CAPZB: variants seen among roughly 807,000 people sequenced by gnomAD.
CAPZB encodes F-actin-capping protein subunit beta.
Under a neutral mutation model 38.1 loss-of-function variants are expected in CAPZB, and 2 were observed. The ratio of observed to expected loss-of-function variants is 0.05; its 90% CI spans 0.02 to 0.17. The LOEUF (loss-of-function observed/expected upper bound fraction) is 0.17, where lower values mean the gene tolerates loss of function less well. CAPZB is among the 10% of genes least tolerant of loss of function. The pLI, the probability that CAPZB is intolerant of heterozygous loss-of-function variation, is 1.00. For missense variants in CAPZB, 161 were observed against 334.2 expected (o/e 0.48, Z 4.04); for synonymous variants, 107 against 127.4 (o/e 0.84, Z 1.08).
chr1:19,420,672 C>T (rs1227346585), intron 1 of CAPZB, among the ~76,000 whole-genome samples: 1 of 152,002 alleles, frequency 6.6e-6, no homozygotes, highest in Non-Finnish European at 1.5e-5. Flanking sequence ...CTCAAGCAGT[C>T]GAACTGCCTT....
At chr1:19,419,109 C>A (rs944993994) in intron 2 of CAPZB, among the ~76,000 whole-genome samples, 2 of 152,348 alleles carry the variant, frequency 1.3e-5, no homozygotes, top group Admixed American at 1.3e-4. Context: ...GAGGCAACAT[C>A]TTGAGACCAA....
intron 2 of CAPZB, among the ~76,000 whole-genome samples, chr1:19,405,359 T>G (rs914628562): frequency 3.3e-5 from 5 of 152,010 alleles, no homozygotes; most frequent in Non-Finnish European, 7.4e-5. Flanking sequence ...CACACAGCAG[T>G]GCTTTCAGTG....
chr1:19,443,007 T>C (rs1159169739), intron 1 of CAPZB, among the ~76,000 whole-genome samples: 1 of 152,178 alleles, frequency 6.6e-6, no homozygotes, highest in South Asian at 2.1e-4. Context: ...ACTGACTTCA[T>C]ACCCTTCCCC....
At chr1:19,342,625 C>A (rs1158475406) in intron 8 of CAPZB, 3 of 669,870 alleles carry the variant, frequency 4.5e-6, no homozygotes, top group South Asian at 1.6e-5. Flanking sequence ...GTGCACCGAC[C>A]GGGAGCACAC....
At chr1:19,414,457 T>A (rs2094370731) in intron 2 of CAPZB, among the ~76,000 whole-genome samples, 1 of 152,134 alleles carries the variant, frequency 6.6e-6, no homozygotes, top group Admixed American at 6.6e-5. Context: ...CCTGATGTCT[T>A]CCCCTTGATA....
At chr1:19,441,382 G>A (rs2094475933) in intron 1 of CAPZB, among the ~76,000 whole-genome samples, 1 of 152,110 alleles carries the variant, frequency 6.6e-6, no homozygotes, top group Non-Finnish European at 1.5e-5. Context: ...ATTTTATCTG[G>A]GACTCGGCTT....
intron 2 of CAPZB, among the ~76,000 whole-genome samples, chr1:19,417,692 T>C (rs898287552): frequency 6.6e-6 from 1 of 152,152 alleles, no homozygotes; most frequent in African/African-American, 2.4e-5. Flanking sequence ...TATCCAACTT[T>C]ATACTTCAGT....
chr1:19,402,190 G>A (rs1191416581), intron 2 of CAPZB, among the ~76,000 whole-genome samples: 6 of 152,212 alleles, frequency 3.9e-5, no homozygotes, highest in Non-Finnish European at 5.9e-5. Flanking sequence ...CACCAGGGCT[G>A]CGAAGGAATC....
chr1:19,410,583 G>A (rs1396397170), intron 2 of CAPZB, among the ~76,000 whole-genome samples: 1 of 152,118 alleles, frequency 6.6e-6, no homozygotes, highest in Non-Finnish European at 1.5e-5. Flanking sequence ...TGAAGGGAGC[G>A]GCGGCTCCTC....
chr1:19,404,516 C>G (rs1184782615), intron 2 of CAPZB, among the ~76,000 whole-genome samples: 1 of 143,584 alleles, frequency 7.0e-6, no homozygotes, highest in Non-Finnish European at 1.5e-5. Context: ...TGTACTCCAG[C>G]CTGGGTGACA....
chr1:19,386,300 C>T (rs1313073797), intron 2 of CAPZB, among the ~76,000 whole-genome samples: 1 of 152,190 alleles, frequency 6.6e-6, no homozygotes, highest in Non-Finnish European at 1.5e-5. Context: ...GACTCTGACA[C>T]AAGGCTCTGC....
At chr1:19,456,291 T>A (rs901912191) in intron 1 of CAPZB, among the ~76,000 whole-genome samples, 1 of 152,148 alleles carries the variant, frequency 6.6e-6, no homozygotes. Flanking sequence ...AAGCAAGAGC[T>A]TTGAGAAGTA....
intron 2 of CAPZB, among the ~76,000 whole-genome samples, chr1:19,405,379 A>C (rs4911990): frequency 0.29 from 44,155 of 151,736 alleles, 6,682 homozygotes; most frequent in East Asian, 0.47. Flanking sequence ...GCGTTAGATA[A>C]AACGTGGAGA....
intron 2 of CAPZB, among the ~76,000 whole-genome samples, chr1:19,403,932 C>T (rs2094316443): frequency 6.6e-6 from 1 of 152,158 alleles, no homozygotes; most frequent in Non-Finnish European, 1.5e-5. Context: ...CTGTCACATG[C>T]CCTACTTAAC....
chr1:19,358,994 G>A (rs971456023), intron 4 of CAPZB, among the ~76,000 whole-genome samples: 4 of 152,178 alleles, frequency 2.6e-5, no homozygotes, highest in East Asian at 1.9e-4. Flanking sequence ...AGGGACCAGC[G>A]GTGTGAATAT....
intron 1 of CAPZB, among the ~76,000 whole-genome samples, chr1:19,467,613 T>C (rs1313681204): frequency 6.6e-6 from 1 of 152,172 alleles, no homozygotes; most frequent in Non-Finnish European, 1.5e-5. Flanking sequence ...CCTCCCTCTA[T>C]CCCAGTATGT....
intron 1 of CAPZB, among the ~76,000 whole-genome samples, chr1:19,463,840 G>C (rs2094560216): frequency 6.6e-6 from 1 of 152,154 alleles, no homozygotes; most frequent in Non-Finnish European, 1.5e-5. Context: ...ATGTTAAAAA[G>C]AGGAGAAATG....
intron 4 of CAPZB, among the ~76,000 whole-genome samples, chr1:19,377,569 A>G (rs2094150350): frequency 6.6e-6 from 1 of 152,270 alleles, no homozygotes; most frequent in Non-Finnish European, 1.5e-5. Context: ...TTAAAGGTTC[A>G]ACAGAAAACA....
intron 4 of CAPZB, among the ~76,000 whole-genome samples, chr1:19,368,216 C>T (rs1462166313): frequency 6.6e-6 from 1 of 152,144 alleles, no homozygotes; most frequent in African/African-American, 2.4e-5. Flanking sequence ...ATATTCTGCC[C>T]CATGCCAGGC....
Sources: allele counts gnomAD v4.1 joint callset (sites outside exome capture counted in the v4.1 genomes callset), GRCh38; gene constraint gnomAD v4.1.1; transcripts MANE v1.5; gene names NCBI Gene and HGNC (gene_info 2026-07-23, HGNC 2026-07-21).